Variants in LIMCH1 observed in about 807,000 individuals in gnomAD.
LIMCH1 encodes the protein LIM and calponin homology domains 1.
In LIMCH1, 113 loss-of-function variants were observed where a neutral mutation model predicts 176.5. That is an observed-to-expected ratio of 0.64 (90% CI 0.55 to 0.75). The LOEUF (loss-of-function observed/expected upper bound fraction) is 0.75. Ranked by LOEUF, LIMCH1 falls within the 30% of genes least tolerant of loss-of-function variation. The pLI, the probability that LIMCH1 is intolerant of heterozygous loss-of-function variation, is 0.00. For synonymous variants in LIMCH1, 619 were observed against 645.9 expected, an observed-to-expected ratio of 0.96 and a Z score of 0.63; for missense variants, 1,674 against 1,814.9, an observed-to-expected ratio of 0.92 and a Z score of 1.41.
intron 1 of LIMCH1, among the ~76,000 whole-genome samples, chr4:41,427,793 A>G (rs779942924): frequency 6.6e-6 from 1 of 152,194 alleles, no homozygotes; most frequent in Non-Finnish European, 1.5e-5. Flanking sequence ...TTTAGATTGT[A>G]CAAACACATG....
intron 13 of LIMCH1, among the ~76,000 whole-genome samples, chr4:41,634,600 A>G (rs550732527): frequency 6.6e-6 from 1 of 152,276 alleles, no homozygotes; most frequent in Admixed American, 6.5e-5. Flanking sequence ...TTTAATCTAT[A>G]TTTTACATTC....
intron 18 of LIMCH1, among the ~76,000 whole-genome samples, chr4:41,660,742 C>T (rs931150976): frequency 2.0e-5 from 3 of 152,074 alleles, no homozygotes; most frequent in African/African-American, 7.2e-5. Flanking sequence ...GAGTTATACA[C>T]GGAGAATGTA....
intron 1 of LIMCH1, among the ~76,000 whole-genome samples, chr4:41,584,248 T>A (rs1036024677): frequency 6.6e-6 from 1 of 152,186 alleles, no homozygotes; most frequent in Admixed American, 6.5e-5. Context: ...CAGACCTTGA[T>A]GTTTGACTCC....
At chr4:41,571,271 G>A (rs2083511578) in intron 1 of LIMCH1, among the ~76,000 whole-genome samples, 1 of 152,086 alleles carries the variant, frequency 6.6e-6, no homozygotes, top group South Asian at 2.1e-4. Context: ...AGACAGAGAA[G>A]AGAGGGGAAA....
At chr4:41,398,641 A>G (rs2058064586) in intron 1 of LIMCH1, among the ~76,000 whole-genome samples, 1 of 152,176 alleles carries the variant, frequency 6.6e-6, no homozygotes, top group African/African-American at 2.4e-5. Flanking sequence ...GGTTCTGCAC[A>G]AGGTAGCTTT....
At chr4:41,426,563 A>G (rs1013370672) in intron 1 of LIMCH1, among the ~76,000 whole-genome samples, 1 of 152,242 alleles carries the variant, frequency 6.6e-6, no homozygotes, top group Non-Finnish European at 1.5e-5. Context: ...TCTACATATT[A>G]CTGCCTTTCA....
rs1720120970 is a variant in LIMCH1, at chr4:41,685,655, A to G, written c.3968-55A>G. The G allele has an allele frequency of 3.1e-6, 5 of 1,603,770 alleles. No homozygotes were observed. In the Admixed American group the frequency reaches 8.5e-5, roughly 27 times the overall value. ...GCACTTTAAAGAAAGGTGACTTCCTAGGTAGTAAGGTGATTTTACTGTGCA... is the reference window on the plus strand; with the variant it reads ...GCACTTTAAAGAAAGGTGACTTCCTGGGTAGTAAGGTGATTTTACTGTGCA... On this transcript the variant is annotated intron_variant, in intron 27 of 31. Transcript: ENST00000503057.
chr4:41,473,801 A>C (rs1445231033), intron 1 of LIMCH1, among the ~76,000 whole-genome samples: 1 of 152,240 alleles, frequency 6.6e-6, no homozygotes. Context: ...TTTGCAAATC[A>C]TACATCAGAT....
intron 1 of LIMCH1, among the ~76,000 whole-genome samples, chr4:41,413,088 C>T (rs949486986): frequency 3.9e-5 from 6 of 152,040 alleles, no homozygotes; most frequent in African/African-American, 1.2e-4. Flanking sequence ...ATTCCCTTCT[C>T]CTTCCTTTAC....
intron 7 of LIMCH1, among the ~76,000 whole-genome samples, 164 bp downstream of exon 7, chr4:41,620,854 G>A (rs1392433753): frequency 2.0e-5 from 3 of 152,204 alleles, no homozygotes; most frequent in South Asian, 2.1e-4. Flanking sequence ...TTTGCCTTAA[G>A]GCATGTCTCT....
intron 1 of LIMCH1, among the ~76,000 whole-genome samples, chr4:41,570,459 T>A (rs373110821): frequency 2.6e-5 from 4 of 152,366 alleles, no homozygotes; most frequent in African/African-American, 7.2e-5. Context: ...TTCAGTGATA[T>A]GTTTTGCATT....
chr4:41,637,914 C>G (rs2152898681), intron 13 of LIMCH1, among the ~76,000 whole-genome samples: 1 of 152,166 alleles, frequency 6.6e-6, no homozygotes, highest in Middle Eastern at 3.4e-3. Flanking sequence ...GATCATGGGA[C>G]CAGGTAATTT....
At chr4:41,629,848 C>G in intron 9 of LIMCH1, 114 bp downstream of exon 9, 1 of 1,245,178 alleles carries the variant, frequency 8.0e-7, no homozygotes, top group Non-Finnish European at 1.1e-6. Context: ...TGCTCTGTTG[C>G]CCAGGCTGGA....
intron 1 of LIMCH1, among the ~76,000 whole-genome samples, chr4:41,490,493 G>A (rs1470377909): frequency 6.6e-6 from 1 of 152,052 alleles, no homozygotes; most frequent in Non-Finnish European, 1.5e-5. Context: ...TAAGGAGCAT[G>A]CTGTCTTCAA....
At chr4:41,467,916 C>T (rs1028279552) in intron 1 of LIMCH1, among the ~76,000 whole-genome samples, 3 of 152,172 alleles carry the variant, frequency 2.0e-5, no homozygotes, top group Non-Finnish European at 1.5e-5. Context: ...ACGTGCGGGA[C>T]GCCATTCATA....
chr4:41,624,189 G>A (rs956268303), intron 7 of LIMCH1, among the ~76,000 whole-genome samples: 3 of 152,064 alleles, frequency 2.0e-5, no homozygotes, highest in Middle Eastern at 3.2e-3. Flanking sequence ...TCACATGATT[G>A]TACCTCTTTT....
At chr4:41,644,673 C>T in intron 15 of LIMCH1, 47 bp downstream of exon 15, 1 of 1,570,624 alleles carries the variant, frequency 6.4e-7, no homozygotes, top group African/African-American at 1.4e-5. Flanking sequence ...CTTCTGGCAG[C>T]AGAAAATCCA....
chr4:41,404,077 A>G (rs922637235), intron 1 of LIMCH1, among the ~76,000 whole-genome samples: 1 of 152,192 alleles, frequency 6.6e-6, no homozygotes, highest in African/African-American at 2.4e-5. Flanking sequence ...GCTAGAGGCT[A>G]GATTATGTGT....
chr4:41,390,322 C>T (rs984165169), intron 1 of LIMCH1, among the ~76,000 whole-genome samples: 2 of 151,298 alleles, frequency 1.3e-5, no homozygotes, highest in Non-Finnish European at 2.9e-5. Context: ...CCTGGAATTC[C>T]GGGGAGTACA....
Sources: gnomAD v4.1 joint callset for allele counts (sites outside exome capture counted in the v4.1 genomes callset) on GRCh38, gnomAD v4.1.1 for gene constraint, MANE v1.5 for transcripts, NCBI Gene and HGNC (gene_info 2026-07-23, HGNC 2026-07-21) for gene names.